Variants in VPS41 observed in about 807,000 individuals in gnomAD.
VPS41 encodes VPS41 subunit of HOPS complex.
In VPS41, 85 loss-of-function variants were observed where a neutral mutation model predicts 130.9. That is an observed-to-expected ratio of 0.65 (90% CI 0.55 to 0.78). The LOEUF (loss-of-function observed/expected upper bound fraction) is 0.78, where lower values mean the gene tolerates loss of function less well. Ranked by LOEUF, VPS41 falls within the 30% of genes least tolerant of loss-of-function variation. VPS41 has a pLI of 0.00. For missense variants in VPS41, 874 were observed against 1,018.7 expected (o/e 0.86, Z 1.93); for synonymous variants, 335 against 332.9 (o/e 1.01, Z -0.07).
At chr7:38,797,023 A>G (rs1784634911) in intron 7 of VPS41, 159 bp from the exon 8 acceptor site, 2 of 789,118 alleles carry the variant, frequency 2.5e-6, no homozygotes, top group Non-Finnish European at 2.0e-6. Flanking sequence ...TGTACCTTGG[A>G]AAGAATTCCT....
chr7:38,776,350 T>C (rs1442423230), intron 11 of VPS41, among the ~76,000 whole-genome samples: 2 of 152,218 alleles, frequency 1.3e-5, no homozygotes, highest in African/African-American at 4.8e-5. Flanking sequence ...ATCAAGTTCA[T>C]TGCTGTCATT....
intron 2 of VPS41, among the ~76,000 whole-genome samples, chr7:38,875,038 AAC>A (rs1367621424): frequency 2.0e-4 from 31 of 152,322 alleles, no homozygotes; most frequent in African/African-American, 7.0e-4. Context: ...AGAAAGATAA[AAC>A]ACAGTTGGTA....
chr7:38,799,790 G>T (rs1375840524), intron 7 of VPS41, among the ~76,000 whole-genome samples: 2 of 152,146 alleles, frequency 1.3e-5, no homozygotes, highest in East Asian at 3.9e-4. Flanking sequence ...CATCCAGACA[G>T]ATAGTAAAAC....
chr7:38,747,308 C>T (rs1164900032), intron 22 of VPS41, among the ~76,000 whole-genome samples: 5 of 152,140 alleles, frequency 3.3e-5, no homozygotes, highest in African/African-American at 1.2e-4. Context: ...GAGAAGCCAA[C>T]TGAGTGCCTA....
chr7:38,907,257 A>G (rs1045615706), intron 1 of VPS41, among the ~76,000 whole-genome samples: 7 of 152,200 alleles, frequency 4.6e-5, no homozygotes, highest in Non-Finnish European at 8.8e-5. Context: ...CTCAAAAAGG[A>G]ACAGCATGAG....
intron 10 of VPS41, among the ~76,000 whole-genome samples, chr7:38,783,521 G>A (rs868798589): frequency 2.6e-5 from 4 of 151,532 alleles, no homozygotes; most frequent in African/African-American, 4.9e-5. Flanking sequence ...GCAACAGAGC[G>A]AAACTCTGTC....
chr7:38,748,504 CTT>C (rs911799652), intron 22 of VPS41, among the ~76,000 whole-genome samples: 3 of 151,380 alleles, frequency 2.0e-5, no homozygotes, highest in Non-Finnish European at 2.9e-5. Flanking sequence ...CATCTCTCAG[CTT>C]TATTCTTCCG....
intron 4 of VPS41, among the ~76,000 whole-genome samples, chr7:38,837,360 T>C (rs1320927190): frequency 6.6e-6 from 1 of 152,190 alleles, no homozygotes; most frequent in Admixed American, 6.5e-5. Context: ...GCCTGTGTAA[T>C]AGAGTCTACA....
chr7:38,737,610 T>C (rs1483277972), intron 25 of VPS41, among the ~76,000 whole-genome samples: 2 of 152,120 alleles, frequency 1.3e-5, no homozygotes, highest in Non-Finnish European at 2.9e-5. Flanking sequence ...AACTTTCTCA[T>C]CTGCAAAGCA....
intron 4 of VPS41, among the ~76,000 whole-genome samples, chr7:38,836,249 C>T (rs796094607): frequency 1.6e-4 from 24 of 151,978 alleles, no homozygotes; most frequent in African/African-American, 5.1e-4. Context: ...TTATCTTATT[C>T]GCAATTACCT....
chr7:38,767,418 C>G, intron 15 of VPS41, 119 bp downstream of exon 15: 1 of 497,780 alleles, frequency 2.0e-6, no homozygotes, highest in South Asian at 4.9e-5. Context: ...TCAAAAATTA[C>G]CCTCGTTAGA....
At chr7:38,878,745 A>T (rs1422881235) in intron 2 of VPS41, among the ~76,000 whole-genome samples, 1 of 152,230 alleles carries the variant, frequency 6.6e-6, no homozygotes. Flanking sequence ...GATCTTAAAA[A>T]AGCTTTCAGT....
Position 38,830,235 on chromosome 7 carries a change from GACCACATCTTTGCCAT to G in VPS41, c.321+3_321+18del. ...GCTGGCGCCACAGAACTCTCTGCAT[GACCACATCTTTGCCAT>G]ACCTTGCCATCCTCTGAACACACAC... On this transcript the variant is annotated splice_donor_5th_base_variant and intron_variant, in intron 5 of 28. Coordinates refer to ENST00000310301, the MANE Select transcript of VPS41 (RefSeq NM_014396.4). 1 of 1,576,170 alleles carries G rather than the reference GACCACATCTTTGCCAT, an allele frequency of 6.3e-7. No individual in the cohort carries two copies. Among genetic ancestry groups the G allele is most frequent in the Non-Finnish European group, 8.7e-7 (1 of 1,145,340 alleles).
At chr7:38,773,072 T>C (rs1462203862) in intron 12 of VPS41, among the ~76,000 whole-genome samples, 2 of 152,320 alleles carry the variant, frequency 1.3e-5, no homozygotes, top group African/African-American at 2.4e-5. Flanking sequence ...ATTTACAGCA[T>C]TGTTCTACTT....
At chr7:38,826,976 AC>A (rs1258690049) in intron 5 of VPS41, among the ~76,000 whole-genome samples, 1 of 151,644 alleles carries the variant, frequency 6.6e-6, no homozygotes, top group Non-Finnish European at 1.5e-5. Context: ...CCGCCGCCAC[AC>A]CCGGCTAATT....
chr7:38,905,993 A>C (rs1316872236), intron 1 of VPS41, among the ~76,000 whole-genome samples: 2 of 151,676 alleles, frequency 1.3e-5, no homozygotes, highest in African/African-American at 4.8e-5. Context: ...ACGGGGTTTC[A>C]CCATGTTGGC....
intron 4 of VPS41, among the ~76,000 whole-genome samples, chr7:38,851,381 T>G (rs940539569): frequency 6.6e-6 from 1 of 152,264 alleles, no homozygotes; most frequent in East Asian, 1.9e-4. Context: ...CAGATTTGTT[T>G]GCATTTTCTA....
At chr7:38,864,168 A>G (rs1261381694) in intron 3 of VPS41, among the ~76,000 whole-genome samples, 1 of 152,180 alleles carries the variant, frequency 6.6e-6, no homozygotes, top group Non-Finnish European at 1.5e-5. Context: ...GTTTGTTAGG[A>G]AACTAAGGGA....
intron 4 of VPS41, among the ~76,000 whole-genome samples, chr7:38,837,855 GAT>G (rs1785528765): frequency 2.0e-5 from 3 of 152,088 alleles, no homozygotes; most frequent in Admixed American, 1.3e-4. Flanking sequence ...TGCTTTACTA[GAT>G]TTCTACAAAA....
Sources: allele counts gnomAD v4.1 joint callset (sites outside exome capture counted in the v4.1 genomes callset), GRCh38; gene constraint gnomAD v4.1.1; transcripts MANE v1.5; gene names NCBI Gene and HGNC (gene_info 2026-07-23, HGNC 2026-07-21).